AGMO: variants seen among roughly 807,000 people sequenced by gnomAD.
The protein encoded by AGMO is glyceryl-ether monooxygenase.
Under a neutral mutation model 60.2 loss-of-function variants are expected in AGMO, and 75 were observed. That is an observed-to-expected ratio of 1.25 (90% CI 1.03 to 1.51). The LOEUF (loss-of-function observed/expected upper bound fraction) is 1.51, where lower values mean the gene tolerates loss of function less well. Ranked by LOEUF, AGMO falls within the 40% of genes most tolerant of loss-of-function variation. The pLI is 0.00. For missense variants in AGMO, 763 were observed against 525.5 expected (o/e 1.45, Z -4.42); for synonymous variants, 261 against 177.1 (o/e 1.47, Z -3.76).
chr7:15,195,016 G>A, the AGMO span, among the ~76,000 whole-genome samples: 1 of 152,144 alleles, frequency 6.6e-6, no homozygotes, highest in Non-Finnish European at 1.5e-5. Flanking sequence ...ATAGGATAAG[G>A]GGAGGAGAGA....
At position 15,280,236 on chromosome 7, in the gene AGMO, C is replaced by G. The variant is rs536654404; in HGVS notation, c.1264-78877G>C. On this transcript the variant is annotated intron_variant, in intron 12 of 12. Transcript: ENST00000342526. Reference sequence around the variant, plus strand: ...AGTTCTGAGCACAGACTGCCTGAAACTTAGCTAGCTGCAGCTGGTGGAGCA... The same window carrying G: ...AGTTCTGAGCACAGACTGCCTGAAAGTTAGCTAGCTGCAGCTGGTGGAGCA... Among the ~76,000 whole-genome samples the G allele has an allele frequency of 2.6e-5, 4 of 152,290 alleles. No homozygotes were observed. In the South Asian group the frequency reaches 8.3e-4, roughly 32 times the overall value.
At chr7:15,131,001 C>T in the AGMO span, among the ~76,000 whole-genome samples, 5 of 151,986 alleles carry the variant, frequency 3.3e-5, no homozygotes, top group Non-Finnish European at 7.4e-5. Flanking sequence ...AACTTTTGAG[C>T]TTCTAATTGC....
chr7:15,135,433 A>G, the AGMO span, among the ~76,000 whole-genome samples: 1 of 152,184 alleles, frequency 6.6e-6, no homozygotes, highest in African/African-American at 2.4e-5. Flanking sequence ...ATCTGCCATG[A>G]TAAATGAAAC....
chr7:15,388,673 A>C (rs1263461526), intron 8 of AGMO, among the ~76,000 whole-genome samples: 3 of 152,134 alleles, frequency 2.0e-5, no homozygotes, highest in African/African-American at 7.2e-5. Context: ...TAAGGAAAAC[A>C]AACAAACAAA....
chr7:15,438,867 T>TA (rs1171972316), intron 3 of AGMO, among the ~76,000 whole-genome samples: 5 of 152,226 alleles, frequency 3.3e-5, no homozygotes, highest in African/African-American at 9.6e-5. Flanking sequence ...TCCTCACTAT[T>TA]AATTTGTTGT....
chr7:15,313,500 T>A (rs1249412871), intron 12 of AGMO, among the ~76,000 whole-genome samples: 1 of 152,186 alleles, frequency 6.6e-6, no homozygotes, highest in African/African-American at 2.4e-5. Context: ...GGATGGGCAA[T>A]TTTTACCAGC....
chr7:15,256,762 G>A (rs574741718), intron 12 of AGMO, among the ~76,000 whole-genome samples: 3 of 152,296 alleles, frequency 2.0e-5, no homozygotes, highest in East Asian at 3.9e-4. Flanking sequence ...TCGCCTGGGA[G>A]CAATAGGCTA....
chr7:15,132,952 A>G, the AGMO span, among the ~76,000 whole-genome samples: 1 of 152,130 alleles, frequency 6.6e-6, no homozygotes, highest in Non-Finnish European at 1.5e-5. Context: ...GGCAAGAGGG[A>G]TGCAAGAGGG....
At position 15,358,273 on chromosome 7, in the gene AGMO, T is replaced by C. The variant is rs566283645; in HGVS notation, c.1263+7241A>G. 4 of 355,516 alleles carry C rather than the reference T, an allele frequency of 1.1e-5. No individual in the cohort carries two copies. The Admixed American group carries it at 1.5e-4, about 13-fold the overall frequency. 22.0% of individuals were successfully genotyped at this position (355,516 alleles called of 1,614,324 possible). A position where few individuals can be genotyped will look rare whatever the true frequency, so the allele number is the denominator to read the frequency against. ...CAATAAAAATTGAAGAGTCTTAAGGTTGCTGCTTTGAGTATTGGTTTCTTC... is the reference window on the plus strand; with the variant it reads ...CAATAAAAATTGAAGAGTCTTAAGGCTGCTGCTTTGAGTATTGGTTTCTTC... On this transcript the variant is annotated intron_variant, in intron 12 of 12. Transcript: ENST00000342526.
intron 12 of AGMO, among the ~76,000 whole-genome samples, chr7:15,239,547 C>T (rs1424279120): frequency 1.3e-5 from 2 of 152,066 alleles, no homozygotes; most frequent in East Asian, 3.9e-4. Context: ...ATGTGGTTCT[C>T]TACATTACTT....
intron 12 of AGMO, among the ~76,000 whole-genome samples, chr7:15,342,156 T>C (rs968024982): frequency 1.0e-5 from 1 of 95,408 alleles, no homozygotes; most frequent in African/African-American, 5.0e-5. Context: ...AAGCTGAGAG[T>C]AGATACCCAC....
chr7:15,190,567 T>C, the AGMO span, among the ~76,000 whole-genome samples: 1 of 152,134 alleles, frequency 6.6e-6, no homozygotes, highest in African/African-American at 2.4e-5. Flanking sequence ...TTAGAATTTG[T>C]AAAATTCTTC....
chr7:15,325,422 CAGATTA>C (rs1359973717), intron 12 of AGMO, among the ~76,000 whole-genome samples: 19 of 151,332 alleles, frequency 1.3e-4, no homozygotes, highest in African/African-American at 3.6e-4. Flanking sequence ...AAGGGCATGT[CAGATTA>C]AGATTAACCT....
intron 11 of AGMO, 101 bp from the exon 12 acceptor site, chr7:15,365,720 G>C (rs1004258541): frequency 2.6e-6 from 2 of 769,582 alleles, no homozygotes; most frequent in Non-Finnish European, 4.1e-6. Context: ...GAAATACCTA[G>C]TATTTTAATA....
At chr7:15,510,888 A>C (rs1033939078) in intron 3 of AGMO, among the ~76,000 whole-genome samples, 19 of 146,954 alleles carry the variant, frequency 1.3e-4, no homozygotes, top group African/African-American at 4.7e-4. Context: ...TATAACATAT[A>C]ATATATGTTT....
In AGMO at chr7:15,430,603, T is replaced by TA. The variant is rs397890114; in HGVS notation, c.513+401dup. 7.3e-4 allele frequency among the ~76,000 whole-genome samples: 94 copies of TA among 128,104 alleles called. No homozygotes were observed. The East Asian group carries it at 7.5e-3, about 10-fold the overall frequency. 84.0% of individuals were successfully genotyped at this position (128,104 alleles called of 152,430 possible). Reference sequence around the variant, plus strand: ...ATTTTAGAGAATTAGTTGTTTTTTTTAAAAAAAAAAAACAACTGGTTTTTT... The same window carrying TA: ...ATTTTAGAGAATTAGTTGTTTTTTTTAAAAAAAAAAAAACAACTGGTTTTTT... On this transcript the variant is annotated intron_variant, in intron 4 of 12. Transcript: ENST00000342526.
chr7:15,126,228 C>A, the AGMO span, among the ~76,000 whole-genome samples: 2 of 152,098 alleles, frequency 1.3e-5, no homozygotes, highest in Admixed American at 1.3e-4. Context: ...CTCTTTAAGT[C>A]TGTTTTTTAT....
chr7:15,290,995 T>C (rs1784248448), intron 12 of AGMO, among the ~76,000 whole-genome samples: 1 of 152,134 alleles, frequency 6.6e-6, no homozygotes, highest in African/African-American at 2.4e-5. Flanking sequence ...CTCCGTTTTT[T>C]CGAAAGTGCA....
chr7:15,148,995 T>A, the AGMO span, among the ~76,000 whole-genome samples: 1 of 152,202 alleles, frequency 6.6e-6, no homozygotes, highest in Non-Finnish European at 1.5e-5. Flanking sequence ...ATTTTCTGAC[T>A]TTTTAATCAC....
Sources: gnomAD v4.1 joint callset for allele counts (sites outside exome capture counted in the v4.1 genomes callset) on GRCh38, gnomAD v4.1.1 for gene constraint, MANE v1.5 for transcripts, NCBI Gene and HGNC (gene_info 2026-07-23, HGNC 2026-07-21) for gene names.